Variants in SAP130 observed in about 807,000 individuals in gnomAD.
SAP130 encodes Sin3A associated protein 130, also known as histone deacetylase complex subunit SAP130.
Under a neutral mutation model 103.2 loss-of-function variants are expected in SAP130, and 16 were observed. The ratio of observed to expected loss-of-function variants is 0.16; its 90% confidence interval spans 0.10 to 0.24. SAP130 has a LOEUF of 0.24. Among genes scored for constraint, SAP130 ranks in the 10% least tolerant of loss-of-function variants. SAP130 has a pLI of 1.00. For missense variants in SAP130, 990 were observed against 1,359.7 expected, an observed-to-expected ratio of 0.73 and a Z score of 4.28; for synonymous variants, 477 against 497.0, an observed-to-expected ratio of 0.96 and a Z score of 0.53.
chr2:127,945,612 T>C, intron 18 of SAP130, 53 bp from the exon 19 acceptor site: 1 of 1,126,094 alleles, frequency 8.9e-7, no homozygotes, highest in Non-Finnish European at 1.3e-6. Flanking sequence ...AAAAGGTAAA[T>C]GATTTGTGTT....
intron 7 of SAP130, 78 bp from the exon 8 acceptor site, chr2:128,000,532 A>C: frequency 6.5e-7 from 1 of 1,533,198 alleles, no homozygotes; most frequent in Non-Finnish European, 8.9e-7. Context: ...TGCAAGTTAT[A>C]CTTTTTCATA....
intron 15 of SAP130, among the ~76,000 whole-genome samples, chr2:127,971,633 A>C (rs571316236): frequency 6.6e-6 from 1 of 152,182 alleles, no homozygotes; most frequent in African/African-American, 2.4e-5. Flanking sequence ...TCTCTTGTGC[A>C]GTTTTAATTT....
intron 15 of SAP130, among the ~76,000 whole-genome samples, chr2:127,971,540 G>GC (rs553702141): frequency 6.3e-4 from 96 of 152,266 alleles, no homozygotes; most frequent in African/African-American, 2.2e-3. Flanking sequence ...ACCCGCCTTG[G>GC]CCTCCCAAAG....
At chr2:128,024,063 T>A (rs1040667346) in intron 2 of SAP130, among the ~76,000 whole-genome samples, 2 of 151,952 alleles carry the variant, frequency 1.3e-5, no homozygotes, top group African/African-American at 2.4e-5. Flanking sequence ...AGTCCCAAAG[T>A]CGTGAAATTG....
chr2:127,973,552 TTCTA>T (rs1452141765), intron 15 of SAP130, among the ~76,000 whole-genome samples: 7 of 152,230 alleles, frequency 4.6e-5, no homozygotes, highest in Non-Finnish European at 7.3e-5. Context: ...CTTCAGAATT[TTCTA>T]TCTGTCTATT....
intron 10 of SAP130, among the ~76,000 whole-genome samples, chr2:127,998,004 C>T (rs1683288768): frequency 6.6e-6 from 1 of 151,730 alleles, no homozygotes. Flanking sequence ...ATCCCAGCTA[C>T]TCGGAAGGCT....
chr2:128,010,523 C>T, intron 6 of SAP130, 130 bp from the exon 7 acceptor site: 2 of 940,346 alleles, frequency 2.1e-6, no homozygotes, highest in South Asian at 3.7e-5. Flanking sequence ...AAATTCTCAC[C>T]ATTCCAATTA....
At chr2:127,948,753 A>C (rs1266075522) in intron 18 of SAP130, among the ~76,000 whole-genome samples, 2 of 152,148 alleles carry the variant, frequency 1.3e-5, no homozygotes, top group South Asian at 2.1e-4. Flanking sequence ...TGTGTAAAGG[A>C]GGTTAGTATG....
At position 127,949,860 on chromosome 2, in the gene SAP130, GA is replaced by G. The variant is rs753392397; in HGVS notation, c.2797+8del. 8.1e-6 allele frequency: 13 copies of G among 1,613,778 alleles called. No homozygotes were observed. Among genetic ancestry groups the G allele is most frequent in the Non-Finnish European group, 1.1e-5 (13 of 1,179,836 alleles). ...TGCATTAATATCAAGTGTTTCTGGG[GA>G]AACTAACCTTTGACCCGGACGTCAC... On this transcript the variant is annotated splice_region_variant and intron_variant, in intron 18 of 20. Coordinates refer to ENST00000643581, the MANE Select transcript of SAP130 (RefSeq NM_001330301.2).
intron 3 of SAP130, 66 bp from the exon 4 acceptor site, chr2:128,016,613 A>C (rs1010862318): frequency 5.3e-5 from 81 of 1,519,806 alleles, no homozygotes; most frequent in Non-Finnish European, 7.1e-5. Context: ...TCAATCCACA[A>C]TTAAGAGTGC....
At chr2:128,002,834 T>C (rs983287856) in intron 7 of SAP130, among the ~76,000 whole-genome samples, 1 of 150,538 alleles carries the variant, frequency 6.6e-6, no homozygotes, top group Non-Finnish European at 1.5e-5. Context: ...AAAAGGAAAC[T>C]TGGGCCAGGC....
chr2:127,987,327 G>T (rs1682474184), intron 13 of SAP130, among the ~76,000 whole-genome samples: 1 of 152,142 alleles, frequency 6.6e-6, no homozygotes, highest in African/African-American at 2.4e-5. Context: ...TGGGATTACA[G>T]GCGTGCACCA....
chr2:127,951,076 T>C lies in SAP130; in HGVS notation c.2423-668A>G, dbSNP rs1573630919. 3.9e-5 allele frequency among the ~76,000 whole-genome samples: 6 copies of C among 152,320 alleles called. No homozygotes were observed. In the South Asian group the frequency reaches 1.2e-3, roughly 32 times the overall value. ...AAAAATCATCTGAATAAGTAGGCAT[T>C]ATTATTATCCTCCAATTCACAGATG... On this transcript the variant is annotated intron_variant, in intron 16 of 20. Coordinates refer to ENST00000643581, the MANE Select transcript of SAP130 (RefSeq NM_001330301.2).
chr2:127,966,330 G>A (rs1379352921), intron 15 of SAP130, among the ~76,000 whole-genome samples: 2 of 152,160 alleles, frequency 1.3e-5, no homozygotes, highest in Non-Finnish European at 2.9e-5. Context: ...GGGGGACAGA[G>A]CGAGACTCCG....
chr2:128,013,297 C>CA (rs1364049989), intron 5 of SAP130, 143 bp from the exon 6 acceptor site: 17 of 689,014 alleles, frequency 2.5e-5, no homozygotes, highest in Admixed American at 2.2e-4. Context: ...ACAGAGAAAA[C>CA]AAAGAAAATG....
chr2:127,949,360 A>T (rs1158197171), intron 18 of SAP130, among the ~76,000 whole-genome samples: 1 of 152,248 alleles, frequency 6.6e-6, no homozygotes, highest in Non-Finnish European at 1.5e-5. Flanking sequence ...TTAAAATGTT[A>T]TTCTCAGGTT....
intron 16 of SAP130, among the ~76,000 whole-genome samples, chr2:127,951,422 A>G (rs541425414): frequency 1.6e-4 from 25 of 152,150 alleles, no homozygotes; most frequent in African/African-American, 6.0e-4. Flanking sequence ...ACTGCCTCAC[A>G]CCCAATCTGA....
intron 4 of SAP130, among the ~76,000 whole-genome samples, chr2:128,015,882 T>A (rs7597004): frequency 0.61 from 91,353 of 149,878 alleles, 30,458 homozygotes; most frequent in African/African-American, 0.9. Context: ...TGGACGTTGC[T>A]GTGAGCCAAG....
intron 7 of SAP130, among the ~76,000 whole-genome samples, chr2:128,001,638 C>T (rs754164908): frequency 6.6e-6 from 1 of 152,140 alleles, no homozygotes; most frequent in East Asian, 1.9e-4. Context: ...CAACTGCCTA[C>T]AGTATTCAGT....
Sources: allele counts gnomAD v4.1 joint callset (sites outside exome capture counted in the v4.1 genomes callset), GRCh38; gene constraint gnomAD v4.1.1; transcripts MANE v1.5; gene names NCBI Gene and HGNC (gene_info 2026-07-23, HGNC 2026-07-21).